Variants in DLGAP2 observed in about 807,000 individuals in gnomAD.
DLGAP2 encodes the protein DLG associated protein 2, also known as disks large-associated protein 2.
In DLGAP2, 26 loss-of-function variants were observed where a neutral mutation model predicts 100.3. The observed-to-expected ratio is 0.26, with a 90% CI of 0.19 to 0.36. The LOEUF (loss-of-function observed/expected upper bound fraction) is 0.36. Ranked by LOEUF, DLGAP2 falls within the 10% of genes least tolerant of loss-of-function variation. The probability of loss-of-function intolerance (pLI) is 1.00; values close to 1 mark genes in which losing one functional copy is unlikely to be tolerated. For missense variants in DLGAP2, 1,858 were observed against 1,453.2 expected (o/e 1.28, Z -4.53); for synonymous variants, 886 against 630.1 (o/e 1.41, Z -6.08).
At chr8:1,624,971 T>C (rs1274047065) in intron 6 of DLGAP2, among the ~76,000 whole-genome samples, 1 of 152,192 alleles carries the variant, frequency 6.6e-6, no homozygotes, top group Non-Finnish European at 1.5e-5. Context: ...CAAAAATATT[T>C]AGCAGAAAGA....
At chr8:1,216,971 T>C in intron 2 of DLGAP2, among the ~76,000 whole-genome samples, 1 of 152,170 alleles carries the variant, frequency 6.6e-6, no homozygotes, top group Non-Finnish European at 1.5e-5. Flanking sequence ...TCTTCAACTT[T>C]TACCTTAGGT....
In DLGAP2 at chr8:1,415,088, A is replaced by T. The variant is rs565021779; in HGVS notation, c.107-86278A>T. Among the ~76,000 whole-genome samples the T allele has an allele frequency of 5.9e-5, 9 of 152,342 alleles. No individual in the cohort carries two copies. The South Asian group carries it at 1.7e-3, about 28-fold the overall frequency. ...TGTCCAGCCTTTGGCTGTGGTGCAC[A>T]TGCATACATACGTGTACACACATGT... is the stretch of plus-strand genomic sequence containing the variant. On this transcript the variant is annotated intron_variant, in intron 3 of 14. Coordinates refer to ENST00000637795, the MANE Select transcript of DLGAP2 (RefSeq NM_001346810.2).
At chr8:1,514,832 C>G (rs570710641) in intron 4 of DLGAP2, among the ~76,000 whole-genome samples, 2 of 152,222 alleles carry the variant, frequency 1.3e-5, no homozygotes, top group African/African-American at 4.8e-5. Context: ...GAGGGTGGCG[C>G]TCAGCGTGAT....
At chr8:1,548,020 C>T (rs1484924014) in intron 4 of DLGAP2, among the ~76,000 whole-genome samples, 1 of 152,164 alleles carries the variant, frequency 6.6e-6, no homozygotes, top group Non-Finnish European at 1.5e-5. Context: ...TACAACTATG[C>T]TTTTCCCCCA....
At chr8:1,630,313 G>T (rs978535955) in intron 7 of DLGAP2, among the ~76,000 whole-genome samples, 2 of 152,164 alleles carry the variant, frequency 1.3e-5, no homozygotes, top group African/African-American at 4.8e-5. Context: ...GGAAGGAAGG[G>T]GACAGTGCCC....
At chr8:919,613 G>C (rs1798667091) in intron 2 of DLGAP2, among the ~76,000 whole-genome samples, 1 of 152,218 alleles carries the variant, frequency 6.6e-6, no homozygotes, top group Admixed American at 6.5e-5. Flanking sequence ...GGCTGCGCCA[G>C]TACAGGATGG....
At chr8:1,351,917 C>A (rs1393024179) in intron 3 of DLGAP2, among the ~76,000 whole-genome samples, 5 of 56,776 alleles carry the variant, frequency 8.8e-5, no homozygotes, top group Admixed American at 4.9e-4. Flanking sequence ...TGTGGAAAGG[C>A]CGTGCGCGTC....
chr8:884,647 T>A (rs1797886731), intron 1 of DLGAP2, among the ~76,000 whole-genome samples: 1 of 151,634 alleles, frequency 6.6e-6, no homozygotes. Flanking sequence ...TAGATCCCAT[T>A]TGCCAATTTT....
chr8:1,624,061 G>A (rs1404060755), intron 6 of DLGAP2, among the ~76,000 whole-genome samples: 5 of 152,204 alleles, frequency 3.3e-5, no homozygotes, highest in Non-Finnish European at 1.5e-5. Context: ...CTTCGTTCAC[G>A]TAGCAGGCAC....
chr8:897,297 A>C (rs989070141), intron 1 of DLGAP2, among the ~76,000 whole-genome samples: 1 of 152,000 alleles, frequency 6.6e-6, no homozygotes, highest in Non-Finnish European at 1.5e-5. Context: ...TGTTTGCTCT[A>C]GTCTGGGTTT....
intron 2 of DLGAP2, among the ~76,000 whole-genome samples, chr8:1,044,765 AC>A (rs1802470426): frequency 2.0e-5 from 3 of 151,234 alleles, no homozygotes; most frequent in Admixed American, 1.3e-4. Context: ...GCTGCTCCAT[AC>A]CCCCTCGCTA....
At chr8:1,207,805 C>A (rs1031656329) in intron 2 of DLGAP2, among the ~76,000 whole-genome samples, 1 of 152,214 alleles carries the variant, frequency 6.6e-6, no homozygotes, top group African/African-American at 2.4e-5. Flanking sequence ...ATTTGCACGT[C>A]CTTGATAATT....
chr8:1,214,896 G>T (rs996260714), intron 2 of DLGAP2, among the ~76,000 whole-genome samples: 3 of 152,230 alleles, frequency 2.0e-5, no homozygotes, highest in Non-Finnish European at 4.4e-5. Context: ...ATAACCTGAA[G>T]TTAATTGGGG....
chr8:824,919 C>T (rs547098563), intron 1 of DLGAP2, among the ~76,000 whole-genome samples: 18 of 152,162 alleles, frequency 1.2e-4, no homozygotes, highest in African/African-American at 3.9e-4. Flanking sequence ...CCATGGAAGC[C>T]ACAGGGCATC....
intron 8 of DLGAP2, among the ~76,000 whole-genome samples, chr8:1,650,520 C>G (rs749564566): frequency 6.6e-6 from 1 of 152,202 alleles, no homozygotes; most frequent in Non-Finnish European, 1.5e-5. Flanking sequence ...TGAGGGTATT[C>G]TAAAACACCC....
intron 6 of DLGAP2, chr8:1,604,494 T>G (rs774998566): frequency 2.6e-5 from 4 of 151,420 alleles, no homozygotes; most frequent in Non-Finnish European, 4.4e-5. Flanking sequence ...CTCACCCTTC[T>G]AAATTCCATC....
At chr8:1,502,250 G>C (rs1405472989) in intron 4 of DLGAP2, among the ~76,000 whole-genome samples, 1 of 152,230 alleles carries the variant, frequency 6.6e-6, no homozygotes, top group Non-Finnish European at 1.5e-5. Context: ...TGCAGTGACA[G>C]CACTCAGGGC....
Position 934,411 on chromosome 8 carries a change from C to T in DLGAP2, c.73+26445C>T, listed in dbSNP as rs188473346. The stretch of plus-strand genomic sequence containing the variant: ...GACACCTGGCTCTTTGTTTTCATCC[C>T]ACTTAGTGGGAACGGCAGCCTGTCG... On this transcript the variant is annotated intron_variant, in intron 2 of 14. Transcript: ENST00000637795. 1.4e-4 allele frequency among the ~76,000 whole-genome samples: 22 copies of T among 152,282 alleles called. No individual in the cohort carries two copies. In the East Asian group the frequency reaches 3.5e-3, roughly 24 times the overall value.
intron 3 of DLGAP2, among the ~76,000 whole-genome samples, chr8:1,408,673 T>C (rs889792838): frequency 2.0e-5 from 3 of 152,168 alleles, no homozygotes; most frequent in Admixed American, 1.3e-4. Context: ...GTTTGAGGCC[T>C]TCTAGCAAGT....
Sources: gnomAD v4.1 joint callset for allele counts (sites outside exome capture counted in the v4.1 genomes callset) on GRCh38, gnomAD v4.1.1 for gene constraint, MANE v1.5 for transcripts, NCBI Gene and HGNC (gene_info 2026-07-23, HGNC 2026-07-21) for gene names.